Variants in PRKCA observed in about 807,000 individuals in gnomAD.
The protein encoded by PRKCA is protein kinase C alpha type.
PRKCA carries 27 observed loss-of-function variants against 87.0 expected under a neutral mutation model. That is an observed-to-expected ratio of 0.31 (90% CI 0.23 to 0.43). The LOEUF (loss-of-function observed/expected upper bound fraction) is 0.43. Ranked by LOEUF, PRKCA falls within the 20% of genes least tolerant of loss-of-function variation. PRKCA has a pLI of 1.00. For synonymous variants in PRKCA, 329 were observed against 311.1 expected (o/e 1.06, Z -0.61); for missense variants, 518 against 852.3 (o/e 0.61, Z 4.88).
intron 2 of PRKCA, among the ~76,000 whole-genome samples, chr17:66,400,779 A>G (rs1381458548): frequency 1.3e-5 from 2 of 152,170 alleles, no homozygotes; most frequent in African/African-American, 4.8e-5. Context: ...CATTGCCAAC[A>G]CCTTTTAGAA....
chr17:66,710,955 A>G (rs534362469), intron 8 of PRKCA, among the ~76,000 whole-genome samples: 30 of 152,262 alleles, frequency 2.0e-4, no homozygotes, highest in African/African-American at 6.3e-4. Flanking sequence ...AGGTAGGAGA[A>G]TCACTTGAAC....
intron 2 of PRKCA, among the ~76,000 whole-genome samples, chr17:66,340,366 CT>C (rs60167119): frequency 0.48 from 59,189 of 124,010 alleles, 14,804 homozygotes; most frequent in South Asian, 0.62. Flanking sequence ...TGTTTGGTTT[CT>C]TTTTTTTTTT....
intron 2 of PRKCA, among the ~76,000 whole-genome samples, chr17:66,402,677 AG>A (rs1328635802): frequency 1.3e-5 from 2 of 152,122 alleles, no homozygotes; most frequent in Non-Finnish European, 2.9e-5. Context: ...GCAATAAGAG[AG>A]CCCAGTTTCT....
intron 2 of PRKCA, among the ~76,000 whole-genome samples, chr17:66,409,124 T>C (rs1290685289): frequency 6.6e-6 from 1 of 151,538 alleles, no homozygotes; most frequent in African/African-American, 2.4e-5. Context: ...TTGAGTTACC[T>C]CTTGTAAGTA....
intron 13 of PRKCA, among the ~76,000 whole-genome samples, chr17:66,759,387 G>A (rs9916045): frequency 0.017 from 2,532 of 151,802 alleles, 74 homozygotes; most frequent in African/African-American, 0.059. Context: ...ACTTGGTTTC[G>A]TTGTAAATAT....
chr17:66,430,842 C>T (rs1048502435), intron 2 of PRKCA, among the ~76,000 whole-genome samples: 5 of 152,142 alleles, frequency 3.3e-5, no homozygotes, highest in African/African-American at 1.2e-4. Flanking sequence ...GCCAGGGCTC[C>T]CAGCACTGTA....
At chr17:66,463,661 C>T (rs1914958567) in intron 2 of PRKCA, among the ~76,000 whole-genome samples, 1 of 152,198 alleles carries the variant, frequency 6.6e-6, no homozygotes, top group Admixed American at 6.5e-5. Context: ...TCCCAAAGTG[C>T]TGGGATTGCA....
At chr17:66,395,964 T>C (rs1486797075) in intron 2 of PRKCA, among the ~76,000 whole-genome samples, 3 of 152,256 alleles carry the variant, frequency 2.0e-5, no homozygotes, top group Non-Finnish European at 2.9e-5. Context: ...TCCACCAACA[T>C]TGATGTTTAA....
At chr17:66,380,834 G>C (rs9914515) in intron 2 of PRKCA, among the ~76,000 whole-genome samples, 1,786 of 152,004 alleles carry the variant, frequency 0.012, 48 homozygotes, top group African/African-American at 0.041. Context: ...GATCTTCTGT[G>C]AATGCACCCA....
intron 3 of PRKCA, among the ~76,000 whole-genome samples, chr17:66,534,559 C>G (rs371809194): frequency 6.6e-6 from 1 of 151,932 alleles, no homozygotes; most frequent in African/African-American, 2.4e-5. Flanking sequence ...CCCAGCTACT[C>G]GGGAGGCTGA....
At chr17:66,513,580 T>A (rs1162618954) in intron 3 of PRKCA, among the ~76,000 whole-genome samples, 8 of 152,238 alleles carry the variant, frequency 5.3e-5, no homozygotes, top group Non-Finnish European at 1.2e-4. Context: ...TAACCTTGAA[T>A]ATTATGGCTG....
At chr17:66,340,554 G>A (rs1341807631) in intron 2 of PRKCA, among the ~76,000 whole-genome samples, 1 of 152,026 alleles carries the variant, frequency 6.6e-6, no homozygotes, top group Non-Finnish European at 1.5e-5. Context: ...TGGCGTAAGT[G>A]TGATCATGGC....
Position 66,469,349 on chromosome 17 carries a change from C to T in PRKCA, c.206-26852C>T, listed in dbSNP as rs550025965. ...AGTGTAGGAGTAAATATGAGGGGTG[C>T]TGTGTTTCTTAAAAACAAAACAAAA... On this transcript the variant is annotated intron_variant, in intron 2 of 16. Coordinates refer to ENST00000413366, the MANE Select transcript of PRKCA (RefSeq NM_002737.3). Among the ~76,000 whole-genome samples, 15 of 152,272 alleles carry T rather than the reference C, an allele frequency of 9.9e-5. No individual in the cohort carries two copies. The South Asian group carries it at 3.1e-3, about 32-fold the overall frequency.
chr17:66,539,470 C>A (rs901250112), intron 3 of PRKCA, among the ~76,000 whole-genome samples: 1 of 149,742 alleles, frequency 6.7e-6, no homozygotes, highest in Non-Finnish European at 1.5e-5. Context: ...GTGGCGTGAT[C>A]TCGGCTCACT....
At chr17:66,589,168 CT>C (rs374325523) in intron 3 of PRKCA, among the ~76,000 whole-genome samples, 170 of 152,222 alleles carry the variant, frequency 1.1e-3, no homozygotes, top group African/African-American at 3.7e-3. Flanking sequence ...CACCTACCAG[CT>C]CATGGGTGAG....
At chr17:66,314,701 A>G (rs558455393) in intron 2 of PRKCA, among the ~76,000 whole-genome samples, 1 of 152,224 alleles carries the variant, frequency 6.6e-6, no homozygotes, top group Non-Finnish European at 1.5e-5. Context: ...GACTTGGACA[A>G]GCTTCCTCAA....
chr17:66,522,838 C>G (rs898009612), intron 3 of PRKCA, among the ~76,000 whole-genome samples: 2 of 151,574 alleles, frequency 1.3e-5, no homozygotes, highest in Non-Finnish European at 2.9e-5. Context: ...AAGCCAGGCC[C>G]CAAAGGAAGA....
At chr17:66,691,695 G>T (rs929544952) in intron 8 of PRKCA, among the ~76,000 whole-genome samples, 4 of 152,292 alleles carry the variant, frequency 2.6e-5, no homozygotes, top group Middle Eastern at 3.4e-3. Flanking sequence ...GGAACCTGAG[G>T]AGCCAGAAAG....
chr17:66,378,444 A>G (rs1022926708), intron 2 of PRKCA, among the ~76,000 whole-genome samples: 14 of 152,186 alleles, frequency 9.2e-5, no homozygotes, highest in East Asian at 3.8e-4. Flanking sequence ...ACGGAATTGA[A>G]TGACTATTAA....
Sources: gnomAD v4.1 joint callset for allele counts (sites outside exome capture counted in the v4.1 genomes callset) on GRCh38, gnomAD v4.1.1 for gene constraint, MANE v1.5 for transcripts, NCBI Gene and HGNC (gene_info 2026-07-23, HGNC 2026-07-21) for gene names.